The following NSMCE1 variants were observed in gnomAD, a reference collection of about 807,000 sequenced individuals.
The protein encoded by NSMCE1 is NSE1 component of SMC5/6 complex.
In NSMCE1, 18 loss-of-function variants were observed where a neutral mutation model predicts 29.6. The ratio of observed to expected loss-of-function variants is 0.61; its 90% CI spans 0.42 to 0.90. NSMCE1 has a LOEUF of 0.90. Ranked by LOEUF, NSMCE1 falls within the 40% of genes least tolerant of loss-of-function variation. The probability of loss-of-function intolerance (pLI) is 0.00; values close to 1 mark genes in which losing one functional copy is unlikely to be tolerated. For synonymous variants in NSMCE1, 124 were observed against 133.4 expected, an observed-to-expected ratio of 0.93 and a Z score of 0.49; for missense variants, 314 against 343.6, an observed-to-expected ratio of 0.91 and a Z score of 0.68.
chr16:27,244,353 C>T (rs1459701342), intron 2 of NSMCE1, among the ~76,000 whole-genome samples: 1 of 152,248 alleles, frequency 6.6e-6, no homozygotes, highest in East Asian at 1.9e-4. Context: ...TCCCCACTCA[C>T]TACAGTCTGA....
At chr16:27,251,046 G>A (rs2084022332) in intron 2 of NSMCE1, among the ~76,000 whole-genome samples, 1 of 147,870 alleles carries the variant, frequency 6.8e-6, no homozygotes, top group Non-Finnish European at 1.5e-5. Flanking sequence ...TCTCCATGTT[G>A]GTCAGGCTAG....
At chr16:27,240,528 A>G (rs1164499159) in intron 2 of NSMCE1, among the ~76,000 whole-genome samples, 1 of 152,148 alleles carries the variant, frequency 6.6e-6, no homozygotes, top group Non-Finnish European at 1.5e-5. Flanking sequence ...GGCCAGGTCC[A>G]GCGTGCAGGG....
At chr16:27,267,831 C>A (rs928232352) in intron 1 of NSMCE1, among the ~76,000 whole-genome samples, 3 of 151,780 alleles carry the variant, frequency 2.0e-5, no homozygotes, top group African/African-American at 7.3e-5. Flanking sequence ...CGGGTTCAAG[C>A]GATTCTCCTG....
At chr16:27,235,022 C>A (rs369426936) in intron 3 of NSMCE1, among the ~76,000 whole-genome samples, 156 bp downstream of exon 3, 1 of 152,208 alleles carries the variant, frequency 6.6e-6, no homozygotes, top group Non-Finnish European at 1.5e-5. Flanking sequence ...AATAAAAAAC[C>A]ATTTTCTCCC....
At chr16:27,227,312 G>A (rs974614936) in intron 5 of NSMCE1, among the ~76,000 whole-genome samples, 5 of 152,218 alleles carry the variant, frequency 3.3e-5, no homozygotes, top group Admixed American at 1.3e-4. Flanking sequence ...CTGCAGTAGG[G>A]ACCCTCAGAG....
intron 2 of NSMCE1, among the ~76,000 whole-genome samples, chr16:27,239,718 C>T (rs2083869334): frequency 6.6e-6 from 1 of 152,210 alleles, no homozygotes; most frequent in Non-Finnish European, 1.5e-5. Context: ...GAACGAGGCC[C>T]TGGCCCTAGC....
intron 5 of NSMCE1, chr16:27,230,645 G>A (rs2083753138): frequency 6.6e-6 from 1 of 152,486 alleles, no homozygotes; most frequent in Non-Finnish European, 1.5e-5. Context: ...TGCCACATTA[G>A]CTTCGTTCCT....
At chr16:27,230,254 G>C (rs1050062854) in intron 5 of NSMCE1, among the ~76,000 whole-genome samples, 4 of 152,252 alleles carry the variant, frequency 2.6e-5, no homozygotes, top group African/African-American at 7.2e-5. Context: ...TGGCTGTCCA[G>C]GAGTGACGTG....
At chr16:27,233,180 T>C (rs1157882941) in intron 4 of NSMCE1, 33 bp from the exon 5 acceptor site, 8 of 1,591,944 alleles carry the variant, frequency 5.0e-6, no homozygotes, top group East Asian at 2.2e-5. Flanking sequence ...TGCTCATCTA[T>C]TAAAATGGCA....
Position 27,240,204 on chromosome 16 carries a change from T to C in NSMCE1, c.137-4905A>G, listed in dbSNP as rs1447373293. ...ACATCCTCTATACCAGACCCCACCG[T>C]CATCTCGTCTATACCCTCCTGCACC... On this transcript the variant is annotated intron_variant, in intron 2 of 7. Coordinates refer to ENST00000361439, the MANE Select transcript of NSMCE1 (RefSeq NM_145080.4). Among the ~76,000 whole-genome samples, 3 of 152,106 alleles carry C rather than the reference T, an allele frequency of 2.0e-5. No homozygotes were observed. The South Asian group carries it at 6.2e-4, about 31-fold the overall frequency.
Position 27,243,848 on chromosome 16 carries a change from G to A in NSMCE1, c.137-8549C>T, listed in dbSNP as rs547437780. Among the ~76,000 whole-genome samples, 11 of 152,212 alleles carry A rather than the reference G, an allele frequency of 7.2e-5. No homozygotes were observed. The East Asian group carries it at 1.4e-3, about 19-fold the overall frequency. On this transcript the variant is annotated intron_variant, in intron 2 of 7. Coordinates refer to ENST00000361439, the MANE Select transcript of NSMCE1 (RefSeq NM_145080.4). ...TTTCTTCTGCAGACCCTGAGGTCTC[G>A]CAATGTTGCCCAGGCTGGTCTCAAA...
chr16:27,226,090 C>T, intron 6 of NSMCE1: 2 of 396,338 alleles, frequency 5.0e-6, no homozygotes, highest in Non-Finnish European at 9.2e-6. Context: ...AAGCCGAGGG[C>T]TCCCAAACTC....
At chr16:27,243,004 A>C (rs2083910716) in intron 2 of NSMCE1, among the ~76,000 whole-genome samples, 1 of 152,162 alleles carries the variant, frequency 6.6e-6, no homozygotes, top group Non-Finnish European at 1.5e-5. Flanking sequence ...AAATGGACAA[A>C]TCTGATGCCT....
At chr16:27,253,638 G>A (rs763541284) in intron 2 of NSMCE1, among the ~76,000 whole-genome samples, 1 of 152,122 alleles carries the variant, frequency 6.6e-6, no homozygotes, top group Non-Finnish European at 1.5e-5. Context: ...TATCAAGGAG[G>A]CCTATATTGG....
In NSMCE1 at chr16:27,226,454, C is replaced by CA. The variant is rs2083692891; in HGVS notation, c.600+265dup. ...GATGATGCAGGTTGCACAGAACACT[C>CA]AGCCTTCCTGAGAAAAATAAAGTAA... On this transcript the variant is annotated intron_variant, in intron 6 of 7. Coordinates refer to ENST00000361439, the MANE Select transcript of NSMCE1 (RefSeq NM_145080.4). 3 of 446,664 alleles carry CA rather than the reference C, an allele frequency of 6.7e-6. No individual in the cohort carries two copies. The South Asian group carries it at 9.3e-5, about 14-fold the overall frequency. The allele number at this position is 446,664 out of a possible 1,614,324, so 27.7% of individuals were successfully genotyped here. A position where few individuals can be genotyped will look rare whatever the true frequency, so the allele number is the denominator to read the frequency against.
At chr16:27,244,391 C>T (rs1183281130) in intron 2 of NSMCE1, among the ~76,000 whole-genome samples, 3 of 152,202 alleles carry the variant, frequency 2.0e-5, no homozygotes, top group South Asian at 2.1e-4. Flanking sequence ...AACATTCTCC[C>T]GGTGTCCCCT....
chr16:27,249,673 C>A lies in NSMCE1; in HGVS notation c.136+7762G>T, dbSNP rs77387105. On this transcript the variant is annotated intron_variant, in intron 2 of 7. Transcript: ENST00000361439. ...CTACCACACTGTCTTGATAGGACAGCCATACAGTAAGTCTTGAAATCAGGC... is the reference window on the plus strand; with the variant it reads ...CTACCACACTGTCTTGATAGGACAGACATACAGTAAGTCTTGAAATCAGGC... Among the ~76,000 whole-genome samples the A allele has an allele frequency of 5.9e-5, 9 of 152,336 alleles. No homozygotes were observed. The East Asian group carries it at 1.7e-3, about 29-fold the overall frequency.
chr16:27,247,400 C>A lies in NSMCE1; in HGVS notation c.136+10035G>T, dbSNP rs149036292. ...GACTGTAAGTTTCCTGAGGCCTCCC[C>A]AGCCATGCTGAACGGTGAGTCAATT... On this transcript the variant is annotated intron_variant, in intron 2 of 7. Coordinates refer to ENST00000361439, the MANE Select transcript of NSMCE1 (RefSeq NM_145080.4). Among the ~76,000 whole-genome samples the A allele has an allele frequency of 7.4e-3, 1,130 of 152,324 alleles. 8 individuals carry two copies. The highest frequency in any genetic ancestry group is 0.025 in the African/African-American group (1,051 of 41,574).
At chr16:27,233,890 T>G in intron 4 of NSMCE1, 1 of 350,340 alleles carries the variant, frequency 2.9e-6, no homozygotes, top group Admixed American at 4.7e-5. Context: ...AGATGGCACT[T>G]GGAGCAGCCA....
Sources: allele counts gnomAD v4.1 joint callset (sites outside exome capture counted in the v4.1 genomes callset), GRCh38; gene constraint gnomAD v4.1.1; transcripts MANE v1.5; gene names NCBI Gene and HGNC (gene_info 2026-07-23, HGNC 2026-07-21).